Variants in SCD5 observed in about 807,000 individuals in gnomAD.
The protein encoded by SCD5 is acyl-CoA-desaturase 4.
A neutral mutation model predicts 30.4 loss-of-function variants in SCD5; 20 were observed. The observed-to-expected ratio is 0.66, with a 90% CI of 0.46 to 0.96. SCD5 has a LOEUF of 0.96. Among genes scored for constraint, SCD5 ranks in the 40% least tolerant of loss-of-function variants. SCD5 has a pLI of 0.00. For missense variants in SCD5, 381 were observed against 443.3 expected (o/e 0.86, Z 1.26); for synonymous variants, 173 against 176.4 (o/e 0.98, Z 0.16).
At chr4:82,717,049 G>A (rs977576994) in intron 1 of SCD5, among the ~76,000 whole-genome samples, 17 of 151,710 alleles carry the variant, frequency 1.1e-4, no homozygotes, top group Non-Finnish European at 2.4e-4. Flanking sequence ...TTTCATATAA[G>A]GGACTCAAGC....
chr4:82,779,710 G>A (rs1054390965), intron 1 of SCD5, among the ~76,000 whole-genome samples: 1 of 152,166 alleles, frequency 6.6e-6, no homozygotes, highest in Non-Finnish European at 1.5e-5. Flanking sequence ...ACTCCTCCCT[G>A]TCTCTTTGTT....
chr4:82,690,882 G>C (rs1728817799), intron 2 of SCD5, among the ~76,000 whole-genome samples: 1 of 152,120 alleles, frequency 6.6e-6, no homozygotes, highest in African/African-American at 2.4e-5. Context: ...TTATCGAGGA[G>C]ACAAATACTA....
At chr4:82,784,859 C>T (rs1287961388) in intron 1 of SCD5, among the ~76,000 whole-genome samples, 1 of 152,210 alleles carries the variant, frequency 6.6e-6, no homozygotes, top group Non-Finnish European at 1.5e-5. Flanking sequence ...CAGATTTAAG[C>T]CCTGCAGCTG....
intron 3 of SCD5, among the ~76,000 whole-genome samples, chr4:82,668,058 CAA>C (rs1404369604): frequency 6.6e-6 from 1 of 152,110 alleles, no homozygotes; most frequent in Non-Finnish European, 1.5e-5. Context: ...AAAACAACAA[CAA>C]AAAGAGTCTT....
At chr4:82,650,891 T>C (rs986606137) in intron 3 of SCD5, among the ~76,000 whole-genome samples, 6 of 151,778 alleles carry the variant, frequency 4.0e-5, no homozygotes, top group Non-Finnish European at 5.9e-5. Flanking sequence ...TAATATTAAA[T>C]ATATCAATTC....
At chr4:82,745,525 G>A (rs1460132968) in intron 1 of SCD5, among the ~76,000 whole-genome samples, 2 of 152,166 alleles carry the variant, frequency 1.3e-5, no homozygotes, top group Non-Finnish European at 2.9e-5. Flanking sequence ...CCGACTTTAA[G>A]TTCAGGGGTA....
Position 82,798,345 on chromosome 4 carries a change from C to T in SCD5, c.193G>A (p.Val65Met), listed in dbSNP as rs890384202. Residue 65 changes from valine to methionine, a missense_variant, in exon 1 of 5, where the codon GTG becomes ATG. Transcript: ENST00000319540. ...LLHLGAVYSL[V>M]LIPKAKPLTL... is the part of the protein sequence containing the mutation. The stretch of plus-strand genomic sequence containing the variant: ...AGTGGCTTGGCTTTGGGGATGAGCA[C>T]CAGGGAGTACACGGCCCCCAAGTGG... 1 of 1,612,906 alleles carries T rather than the reference C, an allele frequency of 6.2e-7. No individual in the cohort carries two copies. The highest frequency in any genetic ancestry group is 1.3e-5 in the African/African-American group (1 of 74,836).
At chr4:82,716,124 T>C (rs909548163) in intron 1 of SCD5, among the ~76,000 whole-genome samples, 6 of 152,044 alleles carry the variant, frequency 3.9e-5, no homozygotes, top group African/African-American at 7.3e-5. Flanking sequence ...ATTTCCCCTG[T>C]GGCTTCTTCC....
chr4:82,763,133 T>C (rs961752404), intron 1 of SCD5, among the ~76,000 whole-genome samples: 1 of 152,196 alleles, frequency 6.6e-6, no homozygotes, highest in African/African-American at 2.4e-5. Flanking sequence ...GGCTGAACCG[T>C]GTTCCCACCC....
intron 3 of SCD5, among the ~76,000 whole-genome samples, chr4:82,642,056 G>T (rs1727557084): frequency 6.6e-6 from 1 of 152,082 alleles, no homozygotes; most frequent in African/African-American, 2.4e-5. Context: ...AGAGAGATGG[G>T]GACGGGAGTA....
chr4:82,636,606 C>A lies in SCD5; in HGVS notation c.787G>T (p.Ala263Ser). ...HISPRQNPLV[A>S]LGAIGEGFHN... ...CCCTACTCACCAATGGCACCCAGAG[C>A]GACGAGTGGGTTCTGCCGAGGGCTG... The change falls in exon 4 of 5, where the codon GCT becomes TCT. Residue 263 changes from alanine (A) to serine (S), a missense_variant. Physicochemically the swap from Ala to Ser is moderately conservative, Grantham distance 99. Transcript: ENST00000319540. 3 of 1,613,654 alleles carry A rather than the reference C, an allele frequency of 1.9e-6. No homozygotes were observed. The highest frequency in any genetic ancestry group is 2.2e-5 in the South Asian group (2 of 90,982).
At chr4:82,681,989 C>T (rs771636102) in intron 2 of SCD5, among the ~76,000 whole-genome samples, 1 of 152,136 alleles carries the variant, frequency 6.6e-6, no homozygotes, top group Non-Finnish European at 1.5e-5. Context: ...TGCAAAATAC[C>T]AAGGCACCAG....
chr4:82,663,669 T>G (rs913591072), intron 3 of SCD5, among the ~76,000 whole-genome samples: 3 of 152,176 alleles, frequency 2.0e-5, no homozygotes, highest in Admixed American at 2.0e-4. Context: ...GGCATAAATG[T>G]GTTTAAGCTG....
chr4:82,716,821 A>G (rs1340632803), intron 1 of SCD5, among the ~76,000 whole-genome samples: 1 of 151,816 alleles, frequency 6.6e-6, no homozygotes, highest in East Asian at 1.9e-4. Flanking sequence ...CTCAATAAAC[A>G]AAAGAAAGAA....
chr4:82,764,243 G>A (rs1421761870), intron 1 of SCD5, among the ~76,000 whole-genome samples: 1 of 152,184 alleles, frequency 6.6e-6, no homozygotes, highest in Non-Finnish European at 1.5e-5. Flanking sequence ...CATGTGACTA[G>A]GTAGAAAAGA....
At chr4:82,735,492 T>C (rs1011332397) in intron 1 of SCD5, among the ~76,000 whole-genome samples, 4 of 152,178 alleles carry the variant, frequency 2.6e-5, no homozygotes, top group Admixed American at 6.5e-5. Context: ...AAATAAAAAT[T>C]TGTAAAGTAG....
At chr4:82,771,048 C>G (rs1721610615) in intron 1 of SCD5, among the ~76,000 whole-genome samples, 1 of 152,214 alleles carries the variant, frequency 6.6e-6, no homozygotes, top group South Asian at 2.1e-4. Context: ...TCACTGCAGC[C>G]TCAACCTGCC....
intron 3 of SCD5, among the ~76,000 whole-genome samples, chr4:82,679,384 C>A (rs1728520590): frequency 6.6e-6 from 1 of 152,004 alleles, no homozygotes; most frequent in African/African-American, 2.4e-5. Flanking sequence ...GGTGTTTTCA[C>A]CTAAAAGAGC....
chr4:82,785,584 T>C (rs1029047487), intron 1 of SCD5, among the ~76,000 whole-genome samples: 10 of 152,234 alleles, frequency 6.6e-5, no homozygotes, highest in Non-Finnish European at 1.5e-4. Flanking sequence ...ACCTGAGGTA[T>C]ATATGTCAAT....
Sources: allele counts gnomAD v4.1 joint callset (sites outside exome capture counted in the v4.1 genomes callset), GRCh38; gene constraint gnomAD v4.1.1; transcripts MANE v1.5; gene names NCBI Gene and HGNC (gene_info 2026-07-23, HGNC 2026-07-21).